Variants in ZNF407 observed in about 807,000 individuals in gnomAD.
The protein encoded by ZNF407 is zinc finger protein 407.
A neutral mutation model predicts 131.2 loss-of-function variants in ZNF407; 17 were observed. That is an observed-to-expected ratio of 0.13 (90% CI 0.09 to 0.19). ZNF407 has a LOEUF of 0.19. ZNF407 is among the 10% of genes least tolerant of loss of function. The pLI is 1.00. For missense variants in ZNF407, 2,681 were observed against 2,830.6 expected (o/e 0.95, Z 1.20); for synonymous variants, 1,156 against 1,062.0 (o/e 1.09, Z -1.72).
intron 5 of ZNF407, 89 bp downstream of exon 5, chr18:74,877,452 C>T: frequency 8.4e-7 from 1 of 1,184,568 alleles, no homozygotes; most frequent in Non-Finnish European, 1.2e-6. Context: ...ATCCCATCTT[C>T]ATAGTAATCA....
At chr18:74,647,940 G>A (rs1202666308) in intron 3 of ZNF407, among the ~76,000 whole-genome samples, 2 of 152,146 alleles carry the variant, frequency 1.3e-5, no homozygotes, top group African/African-American at 4.8e-5. Flanking sequence ...CATTCACAAG[G>A]CACATTTGGA....
chr18:74,831,973 C>G (rs772865051), intron 4 of ZNF407, among the ~76,000 whole-genome samples: 3 of 152,336 alleles, frequency 2.0e-5, no homozygotes, highest in Non-Finnish European at 4.4e-5. Context: ...AGCCCGCTGT[C>G]AGTCTGGACT....
intron 7 of ZNF407, among the ~76,000 whole-genome samples, chr18:74,891,977 CT>C (rs772667408): frequency 1.3e-5 from 2 of 152,064 alleles, no homozygotes; most frequent in Non-Finnish European, 1.5e-5. Flanking sequence ...TATATAACTA[CT>C]TTGTAGTCTT....
In ZNF407 at chr18:74,631,743, A is replaced by G. The variant is rs762327804; in HGVS notation, c.724A>G (p.Lys242Glu). 1 of 1,614,062 alleles carries G rather than the reference A, an allele frequency of 6.2e-7. No individual in the cohort carries two copies. Among genetic ancestry groups the G allele is most frequent in the South Asian group, 1.1e-5 (1 of 91,086 alleles). The part of the protein sequence containing the change: ...MHIKQAHGPQ[K>E]VFSCDLCGFQ... Reference sequence around the variant, plus strand: ...TATCAAACAAGCACATGGGCCACAGAAGGTCTTTTCCTGTGATCTTTGTGG... The same window carrying G: ...TATCAAACAAGCACATGGGCCACAGGAGGTCTTTTCCTGTGATCTTTGTGG... The change falls in exon 2 of 9, where the codon AAG becomes GAG. Residue 242 changes from lysine to glutamate, a missense_variant. Physicochemically the swap from Lys to Glu is moderately conservative, Grantham distance 56 (BLOSUM62 1). Coordinates refer to ENST00000299687, the MANE Select transcript of ZNF407 (RefSeq NM_017757.3).
At chr18:74,835,105 A>T (rs567132460) in intron 4 of ZNF407, among the ~76,000 whole-genome samples, 1 of 152,218 alleles carries the variant, frequency 6.6e-6, no homozygotes, top group South Asian at 2.1e-4. Flanking sequence ...GGGTCCTGTG[A>T]TAGGCAGGTT....
intron 4 of ZNF407, among the ~76,000 whole-genome samples, chr18:74,862,923 T>TC (rs1397098766): frequency 6.8e-6 from 1 of 147,518 alleles, no homozygotes; most frequent in Admixed American, 6.8e-5. Context: ...ATTTCTCACT[T>TC]TTTTTTTTTT....
At chr18:75,014,580 C>T (rs1973021310) in intron 8 of ZNF407, among the ~76,000 whole-genome samples, 1 of 152,074 alleles carries the variant, frequency 6.6e-6, no homozygotes, top group African/African-American at 2.4e-5. Context: ...TCTTGTCACC[C>T]TCGTAAGTGG....
intron 3 of ZNF407, among the ~76,000 whole-genome samples, chr18:74,651,189 G>T (rs1279585683): frequency 6.6e-6 from 1 of 152,040 alleles, no homozygotes; most frequent in Non-Finnish European, 1.5e-5. Flanking sequence ...GAAAATGACA[G>T]TTTTAAAAAT....
chr18:74,883,224 T>G (rs1443345326), intron 6 of ZNF407, among the ~76,000 whole-genome samples: 1 of 152,222 alleles, frequency 6.6e-6, no homozygotes, highest in East Asian at 1.9e-4. Flanking sequence ...AACATGATTC[T>G]TTAACACCAA....
Position 74,635,195 on chromosome 18 carries a change from A to G in ZNF407, c.4176A>G (p.Lys1392=), listed in dbSNP as rs1203817535. 50 of 1,613,914 alleles carry G rather than the reference A, an allele frequency of 3.1e-5. No individual in the cohort carries two copies. The highest frequency in any genetic ancestry group is 4.1e-5 in the Non-Finnish European group (48 of 1,179,898). Residue 1392 remains lysine (K), a synonymous_variant, in exon 2 of 9, where the codon AAA becomes AAG. Coordinates refer to ENST00000299687, the MANE Select transcript of ZNF407 (RefSeq NM_017757.3). This position sits in a 1 kb window ranked among gnomAD's most constrained non-coding sequence, Gnocchi z 4.7. ...TGVRISELPL[K]DCAQGVKKKK... ...TGAGAATTAGTGAGCTGCCCTTGAA[A>G]GACTGTGCTCAAGGTGTGAAAAAGA...
Position 75,048,638 on chromosome 18 carries a change from A to G in ZNF407, c.5429-14512A>G, listed in dbSNP as rs1363842653. On this transcript the variant is annotated intron_variant, in intron 8 of 8. Coordinates refer to ENST00000299687, the MANE Select transcript of ZNF407 (RefSeq NM_017757.3). The surrounding 1 kb of genome is among the most constrained non-coding windows in gnomAD (Gnocchi z 4.1). ...AAACAAGAGATGCTTTCATGAGCCAATGACTGGAATCCTGACACTTTCTGT... is the reference window on the plus strand; with the variant it reads ...AAACAAGAGATGCTTTCATGAGCCAGTGACTGGAATCCTGACACTTTCTGT... 1.3e-5 allele frequency among the ~76,000 whole-genome samples: 2 copies of G among 152,194 alleles called. No homozygotes were observed. The highest frequency in any genetic ancestry group is 1.9e-4 in the East Asian group (1 of 5,200).
intron 3 of ZNF407, among the ~76,000 whole-genome samples, chr18:74,715,142 C>T (rs536172551): frequency 9.2e-5 from 14 of 152,296 alleles, no homozygotes; most frequent in African/African-American, 3.4e-4. Flanking sequence ...CTTACAGTAT[C>T]CCCTTTTCCT....
intron 4 of ZNF407, among the ~76,000 whole-genome samples, chr18:74,791,215 T>C (rs1456962796): frequency 6.6e-6 from 1 of 152,200 alleles, no homozygotes. Context: ...CTTTGATACT[T>C]TTAAGATATT....
chr18:74,669,011 T>C (rs481094), intron 3 of ZNF407, among the ~76,000 whole-genome samples: 150,153 of 152,164 alleles, frequency 0.99, 74,115 homozygotes, highest in Middle Eastern at 1. Flanking sequence ...GAGCACACGT[T>C]CCCTCTACCC....
intron 3 of ZNF407, among the ~76,000 whole-genome samples, chr18:74,743,377 G>T (rs954876662): frequency 6.6e-6 from 1 of 152,114 alleles, no homozygotes; most frequent in African/African-American, 2.4e-5. Flanking sequence ...GTGTGTGTGT[G>T]TGTATTTTCA....
intron 3 of ZNF407, among the ~76,000 whole-genome samples, chr18:74,689,380 A>G (rs757305119): frequency 2.0e-5 from 3 of 152,212 alleles, no homozygotes; most frequent in Non-Finnish European, 4.4e-5. Context: ...TACTGTACCA[A>G]CGTTTGAGAG....
chr18:74,832,827 G>T (rs770580459), intron 4 of ZNF407, among the ~76,000 whole-genome samples: 48 of 152,144 alleles, frequency 3.2e-4, no homozygotes, highest in Non-Finnish European at 5.6e-4. Flanking sequence ...CATTTTCCAT[G>T]AAGCTATCAT....
intron 8 of ZNF407, among the ~76,000 whole-genome samples, chr18:74,948,578 T>G (rs1972180299): frequency 6.6e-6 from 1 of 152,212 alleles, no homozygotes; most frequent in Admixed American, 6.5e-5. Context: ...AATTTATCAT[T>G]TTTACATGTG....
intron 8 of ZNF407, among the ~76,000 whole-genome samples, chr18:74,971,751 C>A (rs1364614087): frequency 6.6e-6 from 1 of 152,196 alleles, no homozygotes; most frequent in Admixed American, 6.5e-5. Context: ...CTGCCTCTTA[C>A]CCAGTTCCAA....
Sources: gnomAD v4.1 joint callset for allele counts (sites outside exome capture counted in the v4.1 genomes callset) on GRCh38, gnomAD v4.1.1 for gene constraint, Gnocchi (gnomAD v3.1) non-coding constraint, MANE v1.5 for transcripts, NCBI Gene and HGNC (gene_info 2026-07-23, HGNC 2026-07-21) for gene names.